PLCE1: variants seen among roughly 807,000 people sequenced by gnomAD.
The protein encoded by PLCE1 is phospholipase C epsilon 1.
PLCE1 carries 119 observed loss-of-function variants against 242.8 expected under a neutral mutation model. The ratio of observed to expected loss-of-function variants is 0.49; its 90% CI spans 0.42 to 0.57. PLCE1 has a LOEUF of 0.57. Among genes scored for constraint, PLCE1 ranks in the 20% least tolerant of loss-of-function variants. The pLI, the probability that PLCE1 is intolerant of heterozygous loss-of-function variation, is 0.00. For synonymous variants in PLCE1, 945 were observed against 1,017.4 expected, an observed-to-expected ratio of 0.93 and a Z score of 1.35; for missense variants, 2,441 against 2,788.8, an observed-to-expected ratio of 0.88 and a Z score of 2.81.
At chr10:94,256,807 CA>C (rs1359191957) in intron 11 of PLCE1, among the ~76,000 whole-genome samples, 1 of 152,106 alleles carries the variant, frequency 6.6e-6, no homozygotes, top group Non-Finnish European at 1.5e-5. Flanking sequence ...TGTTTTAAAA[CA>C]GAAAGAAAAC....
intron 3 of PLCE1, among the ~76,000 whole-genome samples, chr10:94,133,758 TG>T (rs1315961051): frequency 6.6e-6 from 1 of 152,208 alleles, no homozygotes; most frequent in African/African-American, 2.4e-5. Context: ...GGAACACTAA[TG>T]GCTTCATGTT....
intron 2 of PLCE1, among the ~76,000 whole-genome samples, chr10:94,034,481 T>A (rs572164960): frequency 1.3e-5 from 2 of 152,322 alleles, no homozygotes; most frequent in South Asian, 4.1e-4. Flanking sequence ...AGCTAGTAAG[T>A]GAAATAACTA....
chr10:93,998,606 T>C (rs1405816019), intron 1 of PLCE1, among the ~76,000 whole-genome samples: 4 of 152,196 alleles, frequency 2.6e-5, no homozygotes, highest in Non-Finnish European at 4.4e-5. Flanking sequence ...GTGAGATGGT[T>C]CACCTAAAGC....
chr10:94,037,034 C>T (rs1013595696), intron 2 of PLCE1, among the ~76,000 whole-genome samples: 7 of 152,138 alleles, frequency 4.6e-5, no homozygotes, highest in Non-Finnish European at 8.8e-5. Flanking sequence ...AAAAATTTTA[C>T]ATCAGTCTAG....
intron 1 of PLCE1, among the ~76,000 whole-genome samples, chr10:94,017,051 A>G (rs1361698750): frequency 2.6e-5 from 4 of 152,094 alleles, no homozygotes; most frequent in Non-Finnish European, 1.5e-5. Context: ...AGGTCCTGGG[A>G]TTTGCTCCAT....
At position 94,246,357 on chromosome 10, in the gene PLCE1, A is replaced by G; in HGVS notation, c.2832A>G (p.Val944=). Residue 944 remains valine (V), a synonymous_variant, in exon 8 of 33, where the codon GTA becomes GTG. Transcript: ENST00000371380. ...GVLDLFAVKA[V]YMGHPGIDIH... ...TGGATCTTTTTGCAGTGAAGGCTGT[A>G]TACATGGGCCACCCTGGCATTGATA... 1 of 1,614,200 alleles carries G rather than the reference A, an allele frequency of 6.2e-7. No individual in the cohort carries two copies. Among genetic ancestry groups the G allele is most frequent in the Non-Finnish European group, 8.5e-7 (1 of 1,180,024 alleles).
At chr10:94,122,483 T>C (rs1481796448) in intron 2 of PLCE1, among the ~76,000 whole-genome samples, 2 of 152,238 alleles carry the variant, frequency 1.3e-5, no homozygotes, top group African/African-American at 4.8e-5. Context: ...TTTGGAAATA[T>C]TAAGCTGGAA....
At chr10:93,998,098 A>G (rs951439543) in intron 1 of PLCE1, among the ~76,000 whole-genome samples, 5 of 152,206 alleles carry the variant, frequency 3.3e-5, no homozygotes, top group Admixed American at 3.3e-4. Context: ...TTCTAGGGAA[A>G]TTGAATTCCT....
In PLCE1 at chr10:94,252,399, C is replaced by T; in HGVS notation, c.3180C>T (p.Ser1060=). Residue 1060 remains serine (S), a synonymous_variant, in exon 9 of 33, where the codon AGC becomes AGT. Transcript: ENST00000371380. ...GACGGTGGAGTGCTCGAAACCCCAG[C>T]CCCGGAACATCAGCAAAGAATGCTG... The part of the protein sequence containing the change: ...GGRRWSARNP[S]PGTSAKNAEK... 1 of 1,614,018 alleles carries T rather than the reference C, an allele frequency of 6.2e-7. No homozygotes were observed. Among genetic ancestry groups the T allele is most frequent in the Non-Finnish European group, 8.5e-7 (1 of 1,179,972 alleles).
intron 2 of PLCE1, among the ~76,000 whole-genome samples, chr10:94,045,786 A>T (rs894124783): frequency 2.6e-5 from 4 of 152,004 alleles, no homozygotes; most frequent in Non-Finnish European, 4.4e-5. Context: ...CACTTATTTC[A>T]TCCTCTTCCC....
chr10:94,331,378 C>T lies in PLCE1; in HGVS notation c.*3435C>T, dbSNP rs991795383. The T allele has an allele frequency of 3.3e-5, 5 of 152,186 alleles. No individual in the cohort carries two copies. Among genetic ancestry groups the T allele is most frequent in the African/African-American group, 1.2e-4 (5 of 41,416 alleles). 9.4% of individuals were successfully genotyped at this position (152,186 alleles called of 1,614,324 possible). A position where few individuals can be genotyped will look rare whatever the true frequency, so the allele number is the denominator to read the frequency against. ...TTCCAATATCTCTATAGACTTCTGT[C>T]CTCTGCCCAGAGACCCACAGGCCTT... On this transcript the variant is annotated 3_prime_UTR_variant, in exon 33 of 33. Transcript: ENST00000371380.
chr10:94,013,184 G>A (rs185348617), intron 1 of PLCE1, among the ~76,000 whole-genome samples: 34 of 152,316 alleles, frequency 2.2e-4, no homozygotes, highest in Admixed American at 1.4e-3. Flanking sequence ...GAGCCCCTTA[G>A]TAAGAAAACT....
rs541193779 is a variant in PLCE1, at chr10:94,290,957, A to T, written c.5036-2551A>T. ...GTTAGGACAGCAGAAGGTGATAGGA[A>T]TTTCTCAGCTCCAGTACAATCTTAA... On this transcript the variant is annotated intron_variant, in intron 22 of 32. Transcript: ENST00000371380. Among the ~76,000 whole-genome samples, 3 of 152,214 alleles carry T rather than the reference A, an allele frequency of 2.0e-5. 1 individual carries two copies. In the South Asian group the frequency reaches 6.2e-4, roughly 32 times the overall value.
intron 4 of PLCE1, among the ~76,000 whole-genome samples, chr10:94,224,945 G>T (rs1399618114): frequency 6.6e-6 from 1 of 152,162 alleles, no homozygotes; most frequent in Admixed American, 6.5e-5. Context: ...TGTCCCAAGG[G>T]TCTGATTCCA....
chr10:94,190,539 G>C (rs1405771373), intron 4 of PLCE1, among the ~76,000 whole-genome samples: 4 of 152,162 alleles, frequency 2.6e-5, no homozygotes, highest in Non-Finnish European at 5.9e-5. Flanking sequence ...CCAGTAATAA[G>C]AGGCTGCAAT....
intron 2 of PLCE1, among the ~76,000 whole-genome samples, chr10:94,107,439 T>C (rs986776210): frequency 1.3e-5 from 2 of 152,110 alleles, no homozygotes; most frequent in African/African-American, 2.4e-5. Context: ...AGGAGGAGGA[T>C]GTGAGCAAAG....
At chr10:94,020,580 T>C (rs552883674) in intron 1 of PLCE1, among the ~76,000 whole-genome samples, 1 of 152,306 alleles carries the variant, frequency 6.6e-6, no homozygotes, top group South Asian at 2.1e-4. Flanking sequence ...CTGCTTTCTT[T>C]TAGAAGTTTA....
At chr10:94,072,087 C>T (rs1306291857) in intron 2 of PLCE1, among the ~76,000 whole-genome samples, 2 of 152,090 alleles carry the variant, frequency 1.3e-5, no homozygotes, top group East Asian at 3.9e-4. Flanking sequence ...TTCTGATTTT[C>T]CTCATCTATA....
intron 2 of PLCE1, among the ~76,000 whole-genome samples, chr10:94,058,231 C>G (rs1331025246): frequency 6.6e-6 from 1 of 152,124 alleles, no homozygotes; most frequent in African/African-American, 2.4e-5. Flanking sequence ...GTCAAGTGCT[C>G]CATAAACATT....
Sources: allele counts gnomAD v4.1 joint callset (sites outside exome capture counted in the v4.1 genomes callset), GRCh38; gene constraint gnomAD v4.1.1; transcripts MANE v1.5; gene names NCBI Gene and HGNC (gene_info 2026-07-23, HGNC 2026-07-21).